The following SIPA1L3 variants were observed in gnomAD, a reference collection of about 807,000 sequenced individuals.
SIPA1L3 encodes signal induced proliferation associated 1 like 3.
Under a neutral mutation model 150.1 loss-of-function variants are expected in SIPA1L3, and 59 were observed. The observed-to-expected ratio is 0.39, with a 90% CI of 0.32 to 0.49. The LOEUF is 0.49. SIPA1L3 is among the 20% of genes least tolerant of loss of function. The pLI is 0.86. For missense variants in SIPA1L3, 2,211 were observed against 2,489.5 expected, an observed-to-expected ratio of 0.89 and a Z score of 2.38; for synonymous variants, 1,070 against 1,077.6, an observed-to-expected ratio of 0.99 and a Z score of 0.14.
At chr19:38,124,777 A>C (rs1971131906) in intron 9 of SIPA1L3, among the ~76,000 whole-genome samples, 1 of 152,214 alleles carries the variant, frequency 6.6e-6, no homozygotes, top group African/African-American at 2.4e-5. Flanking sequence ...AGGCTGGCGG[A>C]TCACTCGCGG....
intron 1 of SIPA1L3, among the ~76,000 whole-genome samples, chr19:38,000,026 G>T (rs541276301): frequency 6.6e-6 from 1 of 152,190 alleles, no homozygotes; most frequent in Non-Finnish European, 1.5e-5. Context: ...AATGATGATA[G>T]TACCTGCCTC....
chr19:38,119,517 A>G lies in SIPA1L3; in HGVS notation c.2503A>G (p.Asn835Asp). 6.2e-7 allele frequency: 1 copy of G among 1,614,108 alleles called. No homozygotes were observed. The highest frequency in any genetic ancestry group is 1.3e-5 in the African/African-American group (1 of 75,026). ...LKDLAENCVS[N>D]TPIDSTGKFN... The stretch of plus-strand genomic sequence containing the variant: ...GGACCTGGCCGAAAACTGTGTCTCC[A>G]ACACCCCCATCGACTCCACCGGCAA... The change falls in exon 9 of 22, where the codon AAC (asparagine) becomes GAC (aspartate). Residue 835 changes from asparagine to aspartate, a missense_variant. Physicochemically the swap from Asn to Asp is conservative, Grantham distance 23. Around this residue, in one of 5 missense-constraint regions of SIPA1L3, gnomAD observed 625 missense variants for 804.2 expected, o/e 0.78. Transcript: ENST00000222345.
chr19:38,119,294 C>G lies in SIPA1L3; in HGVS notation c.2292-12C>G. On this transcript the variant is annotated splice_polypyrimidine_tract_variant and intron_variant, in intron 8 of 21. Coordinates refer to ENST00000222345, the MANE Select transcript of SIPA1L3 (RefSeq NM_015073.3). ...TTTCTTCCCACCATCTAAATAATCT[C>G]TCCCTCCACAGTATGGCTGTGACCC... 2 of 1,605,970 alleles carry G rather than the reference C, an allele frequency of 1.2e-6. No homozygotes were observed. Among genetic ancestry groups the G allele is most frequent in the Non-Finnish European group, 1.7e-6 (2 of 1,174,754 alleles).
chr19:37,927,662 TG>T (rs2046517034), intron 1 of SIPA1L3, among the ~76,000 whole-genome samples: 1 of 82,124 alleles, frequency 1.2e-5, no homozygotes, highest in East Asian at 2.0e-4. Context: ...GGGGTGTGTG[TG>T]TGTGTGTGTG....
chr19:37,912,303 A>T (rs2046383329), intron 1 of SIPA1L3, among the ~76,000 whole-genome samples: 1 of 151,924 alleles, frequency 6.6e-6, no homozygotes, highest in South Asian at 2.1e-4. Flanking sequence ...TGAAGCACAA[A>T]CTCTGGGGCC....
At chr19:38,030,291 G>A (rs1223763202) in intron 2 of SIPA1L3, among the ~76,000 whole-genome samples, 1 of 152,104 alleles carries the variant, frequency 6.6e-6, no homozygotes. Context: ...GCCAGGTGTG[G>A]TGGCTCACAC....
chr19:38,076,418 C>T (rs753094298), intron 2 of SIPA1L3, among the ~76,000 whole-genome samples: 11 of 152,120 alleles, frequency 7.2e-5, no homozygotes, highest in Non-Finnish European at 1.6e-4. Flanking sequence ...ACTGCACTAC[C>T]GTCATAGTTT....
chr19:38,098,152 T>C (rs1390059013), intron 4 of SIPA1L3, among the ~76,000 whole-genome samples: 1 of 152,224 alleles, frequency 6.6e-6, no homozygotes, highest in Non-Finnish European at 1.5e-5. Flanking sequence ...TTAAGGTATA[T>C]AAGTTAGACA....
chr19:38,139,631 C>T (rs554150817), intron 10 of SIPA1L3, among the ~76,000 whole-genome samples: 16 of 152,300 alleles, frequency 1.1e-4, no homozygotes, highest in Admixed American at 9.1e-4. Context: ...ATGGCGCTAC[C>T]GAGGGGTGCG....
intron 18 of SIPA1L3, 44 bp from the exon 19 acceptor site, chr19:38,198,345 C>T: frequency 6.8e-7 from 1 of 1,467,174 alleles, no homozygotes; most frequent in Non-Finnish European, 9.0e-7. Context: ...GTGTCTCCCG[C>T]ATTGTCACAC....
chr19:38,020,787 A>G (rs777060508), intron 1 of SIPA1L3, among the ~76,000 whole-genome samples: 5 of 152,038 alleles, frequency 3.3e-5, no homozygotes, highest in Admixed American at 2.0e-4. Flanking sequence ...GAGTCCCACA[A>G]TTCATCTCTG....
rs183251513 is a variant in SIPA1L3 at position 38,062,830 on chromosome 19, A to G, written c.-310-18426A>G. Among the ~76,000 whole-genome samples the G allele has an allele frequency of 4.8e-3, 736 of 152,260 alleles. 5 individuals are homozygous for G. Among genetic ancestry groups the G allele is most frequent in the Middle Eastern group, 6.8e-3 (2 of 294 alleles). On this transcript the variant is annotated intron_variant, in intron 2 of 21. Transcript: ENST00000222345. ...GAGACAGAGTTTCACCATGTTGGTC[A>G]GGCTGGTCTTGAACTCCTGACCTCA...
intron 2 of SIPA1L3, among the ~76,000 whole-genome samples, chr19:38,050,949 C>G (rs903337824): frequency 6.6e-6 from 1 of 152,138 alleles, no homozygotes; most frequent in Non-Finnish European, 1.5e-5. Flanking sequence ...ATCCCAGCTA[C>G]TCCAGAGGCT....
chr19:38,102,434 G>A (rs1970527512), intron 6 of SIPA1L3, among the ~76,000 whole-genome samples: 1 of 151,662 alleles, frequency 6.6e-6, no homozygotes, highest in Non-Finnish European at 1.5e-5. Flanking sequence ...GCCTCCCAAA[G>A]TGCTGGAACT....
intron 4 of SIPA1L3, among the ~76,000 whole-genome samples, chr19:38,098,874 A>T (rs1444120997): frequency 1.3e-5 from 2 of 152,258 alleles, no homozygotes; most frequent in Non-Finnish European, 2.9e-5. Flanking sequence ...AGGATTAAAA[A>T]TATGCCATGT....
chr19:37,933,416 A>G (rs1381886979), intron 1 of SIPA1L3, among the ~76,000 whole-genome samples: 1 of 151,534 alleles, frequency 6.6e-6, no homozygotes, highest in African/African-American at 2.4e-5. Context: ...TCTTTGCTTT[A>G]TTTTTCTTCA....
rs183035807 is a variant in SIPA1L3 at position 38,203,103 on chromosome 19, T to C, written c.5121-1024T>C. Among the ~76,000 whole-genome samples the C allele has an allele frequency of 1.2e-4, 19 of 152,140 alleles. No individual in the cohort carries two copies. The East Asian group carries it at 3.7e-3, about 29-fold the overall frequency. On this transcript the variant is annotated intron_variant, in intron 20 of 21. Coordinates refer to ENST00000222345, the MANE Select transcript of SIPA1L3 (RefSeq NM_015073.3). Reference sequence around the variant, plus strand: ...GGGCAGTGGGAGCAATTTTTGAGGGTAATTTTGACTTCTTGCTTTTCACAC... The same window carrying C: ...GGGCAGTGGGAGCAATTTTTGAGGGCAATTTTGACTTCTTGCTTTTCACAC...
intron 15 of SIPA1L3, among the ~76,000 whole-genome samples, chr19:38,172,551 C>CATCCTA (rs1190045371): frequency 1.3e-5 from 2 of 152,168 alleles, no homozygotes; most frequent in African/African-American, 4.8e-5. Context: ...TTGTAGGAAG[C>CATCCTA]CAGGGTGAGA....
chr19:37,956,482 G>GTTTTTTTTTTTTTTTTTTTTT lies in SIPA1L3; in HGVS notation c.-379+49128_-379+49129insTTTTTTTTTTTTTTTTTTTTT, dbSNP rs34804753. 1.6e-5 allele frequency among the ~76,000 whole-genome samples: 2 copies of GTTTTTTTTTTTTTTTTTTTTT among 126,882 alleles called. 1 individual carries two copies. The highest frequency in any genetic ancestry group is 5.8e-5 in the African/African-American group (2 of 34,332). 83.2% of individuals were successfully genotyped at this position (126,882 alleles called of 152,430 possible). A position where few individuals can be genotyped will look rare whatever the true frequency, so the allele number is the denominator to read the frequency against. The stretch of plus-strand genomic sequence containing the variant: ...TAGTCATGCCTTTGGAAGTATAAAA[G>GTTTTTTTTTTTTTTTTTTTTT]TTTTGTTTTTTTTTTTTTTTGAGAC... On this transcript the variant is annotated intron_variant, in intron 1 of 21. Coordinates refer to ENST00000222345, the MANE Select transcript of SIPA1L3 (RefSeq NM_015073.3).
Sources: gnomAD v4.1 joint callset for allele counts (sites outside exome capture counted in the v4.1 genomes callset) on GRCh38, gnomAD v4.1.1 for gene constraint, gnomAD v4.1.1 regional missense constraint, MANE v1.5 for transcripts, NCBI Gene and HGNC (gene_info 2026-07-23, HGNC 2026-07-21) for gene names.